Variants in IFT172 observed in about 807,000 individuals in gnomAD.
IFT172 encodes the protein intraflagellar transport 172.
A neutral mutation model predicts 248.9 loss-of-function variants in IFT172; 164 were observed. The observed-to-expected ratio is 0.66, with a 90% confidence interval of 0.58 to 0.75. IFT172 has a LOEUF of 0.75. IFT172 is among the 30% of genes least tolerant of loss of function. The probability of loss-of-function intolerance (pLI) is 0.00; values close to 1 mark genes in which losing one functional copy is unlikely to be tolerated. For synonymous variants in IFT172, 729 were observed against 791.6 expected (o/e 0.92, Z 1.33); for missense variants, 1,950 against 2,192.4 (o/e 0.89, Z 2.21).
intron 10 of IFT172, among the ~76,000 whole-genome samples, chr2:27,478,940 C>T (rs1418261930): frequency 6.6e-6 from 1 of 152,202 alleles, no homozygotes. Context: ...CAGTGTGTAG[C>T]CAGTAAAGTT....
chr2:27,485,254 G>T (rs1026239469), intron 2 of IFT172, 106 bp downstream of exon 2: 13 of 1,540,310 alleles, frequency 8.4e-6, no homozygotes, highest in Non-Finnish European at 1.8e-6. Context: ...AGAAAAAGGT[G>T]GGGTATGCCA....
chr2:27,476,773 G>A (rs1197012376), intron 13 of IFT172, 47 bp from the exon 14 acceptor site: 2 of 1,132,174 alleles, frequency 1.8e-6, no homozygotes, highest in Middle Eastern at 2.0e-4. Context: ...GAGGTAGTTG[G>A]GATGTTTATT....
chr2:27,456,544 AG>A lies in IFT172; in HGVS notation c.3337del (p.Leu1113TrpfsTer204), dbSNP rs1297105108. On this transcript the variant is annotated frameshift_variant, in exon 30 of 48. Coordinates refer to ENST00000260570, the MANE Select transcript of IFT172 (RefSeq NM_015662.3). LOFTEE classifies it high-confidence loss of function. Reference sequence around the variant, plus strand: ...TGCAGCGTGGTCAACAGCAGCTTCCAGGAGTCCCAGCTTATTAAGCAGTCTA... The same window carrying A: ...TGCAGCGTGGTCAACAGCAGCTTCCAGAGTCCCAGCTTATTAAGCAGTCTA... Reference protein sequence around the residue: ...AVRLLNKLGLLEAAVDHAADN... With the variant: ...AVRLLNKLGLXEAAVDHAADN... 2 of 1,614,046 alleles carry A rather than the reference AG, an allele frequency of 1.2e-6. No individual in the cohort carries two copies. Among genetic ancestry groups the A allele is most frequent in the Admixed American group, 3.3e-5 (2 of 60,022 alleles).
chr2:27,487,819 G>A (rs1319820985), intron 1 of IFT172, among the ~76,000 whole-genome samples: 2 of 151,916 alleles, frequency 1.3e-5, no homozygotes, highest in Admixed American at 6.6e-5. Context: ...CCCTGACCTC[G>A]GGTGATCTGC....
At position 27,477,236 on chromosome 2, in the gene IFT172, T is replaced by C. The variant is rs753911273; in HGVS notation, c.1306A>G (p.Met436Val). 6 of 1,613,920 alleles carry C rather than the reference T, an allele frequency of 3.7e-6. No homozygotes were observed. The highest frequency in any genetic ancestry group is 2.2e-5 in the South Asian group (2 of 91,078). The stretch of plus-strand genomic sequence containing the variant: ...GGTTACCTGATGAGGTGGGGGTTCA[T>C]GAATTCAGTGCGTACAGAACCCAGG... ...DTLGSVRTEF[M>V]NPHLISVRIN... is the part of the protein sequence containing the mutation. Residue 436 changes from methionine (M) to valine (V), a missense_variant, in exon 13 of 48, where the codon ATG becomes GTG. Coordinates refer to ENST00000260570, the MANE Select transcript of IFT172 (RefSeq NM_015662.3).
In IFT172 at chr2:27,485,357, T is replaced by A; in HGVS notation, c.183+3A>T. The A allele has an allele frequency of 6.2e-7, 1 of 1,614,026 alleles. No individual in the cohort carries two copies. The highest frequency in any genetic ancestry group is 8.5e-7 in the Non-Finnish European group (1 of 1,180,032). The stretch of plus-strand genomic sequence containing the variant: ...ATAAGGTACACATGAATACACTGTT[T>A]ACCTTCATGTCAGCTGGTTTGGTGG... On this transcript the variant is annotated splice_donor_region_variant and intron_variant, in intron 2 of 47. Coordinates refer to ENST00000260570, the MANE Select transcript of IFT172 (RefSeq NM_015662.3).
chr2:27,456,468 C>T (rs1309971179), intron 30 of IFT172, 43 bp downstream of exon 30: 2 of 1,581,898 alleles, frequency 1.3e-6, no homozygotes, highest in East Asian at 4.5e-5. Context: ...GATAGTGGCT[C>T]TGGCTGGGAT....
At chr2:27,480,818 C>A (rs537747261) in intron 8 of IFT172, among the ~76,000 whole-genome samples, 2 of 152,118 alleles carry the variant, frequency 1.3e-5, no homozygotes, top group East Asian at 3.8e-4. Context: ...GAGATGAATT[C>A]TGCTGTGGAA....
chr2:27,483,562 C>A lies in IFT172; in HGVS notation c.482+18G>T. The A allele has an allele frequency of 6.2e-7, 1 of 1,611,568 alleles. No individual in the cohort carries two copies. Among genetic ancestry groups the A allele is most frequent in the Non-Finnish European group, 8.5e-7 (1 of 1,177,896 alleles). On this transcript the variant is annotated intron_variant, in intron 6 of 47. Transcript: ENST00000260570. ...CTAACACTTCCAGACTCTAGTGATA[C>A]TACTCCTCTTTACTCACTTTGTTGT...
chr2:27,447,532 G>A lies in IFT172; in HGVS notation c.4642C>T (p.Gln1548Ter). The A allele has an allele frequency of 6.2e-7, 1 of 1,614,032 alleles. No homozygotes were observed. Among genetic ancestry groups the A allele is most frequent in the East Asian group, 2.2e-5 (1 of 44,878 alleles). ...CATCTCACCAGCTGTTTGACACTCT[G>A]GGCTGCAGAGCGCGTGGCATAGTAA... ...AHYYATRSAAQSVKQLETVAA... is the reference protein window; with the variant it reads ...AHYYATRSAA The change falls in exon 42 of 48, where the codon CAG becomes TAG. Residue 1548 changes from glutamine to a stop codon, truncating the protein, a stop_gained. Transcript: ENST00000260570. LOFTEE classifies it high-confidence loss of function.
intron 30 of IFT172, chr2:27,455,072 C>T: frequency 3.5e-6 from 1 of 281,722 alleles, no homozygotes; most frequent in Non-Finnish European, 6.9e-6. Context: ...CAAGACCACC[C>T]TCAGCATCGG....
chr2:27,458,996 A>G (rs2148500723), intron 25 of IFT172, 128 bp from the exon 26 acceptor site: 1 of 917,560 alleles, frequency 1.1e-6, no homozygotes. Context: ...AATAGAGAAG[A>G]AAAGATGAGT....
At chr2:27,447,209 T>C (rs1010790471) in intron 42 of IFT172, among the ~76,000 whole-genome samples, 3 of 152,192 alleles carry the variant, frequency 2.0e-5, no homozygotes, top group African/African-American at 7.2e-5. Flanking sequence ...GAAATAAATA[T>C]ACAGTGAACA....
rs147303046 is a variant in IFT172 at position 27,472,348 on chromosome 2, C to T, written c.1426G>A (p.Gly476Ser). The T allele has an allele frequency of 3.7e-4, 590 of 1,613,728 alleles. No individual in the cohort carries two copies. The highest frequency in any genetic ancestry group is 4.8e-4 in the Non-Finnish European group (566 of 1,179,794). The change falls in exon 15 of 48, where the codon GGC (glycine) becomes AGC (serine). Residue 476 changes from glycine to serine, a missense_variant. Coordinates refer to ENST00000260570, the MANE Select transcript of IFT172 (RefSeq NM_015662.3). ...KTIAIVDLIG[G>S]YNIGTVSHES... The stretch of plus-strand genomic sequence containing the variant: ...TGGCTGACGGTGCCAATGTTGTAGC[C>T]ACCAATCAGATCCACTATAGAATAA...
Position 27,470,956 on chromosome 2 carries a change from G to A in IFT172, c.1664C>T (p.Pro555Leu). 1 of 1,609,092 alleles carries A rather than the reference G, an allele frequency of 6.2e-7. No individual in the cohort carries two copies. Among genetic ancestry groups the A allele is most frequent in the Non-Finnish European group, 8.5e-7 (1 of 1,178,666 alleles). The change falls in exon 16 of 48, where the codon CCT (proline) becomes CTT (leucine). Residue 555 changes from proline (P) to leucine (L), a missense_variant. Physicochemically the swap from Pro to Leu is moderately conservative, Grantham distance 98 (BLOSUM62 -3). Transcript: ENST00000260570. ...AATAGTGAACATGGTGACTCTCTCA[G>A]GTGCCTCAATGTTGTACCATACACA... ...SLCVWYNIEAPERVTMFTIRG... is the reference protein window; with the variant it reads ...SLCVWYNIEALERVTMFTIRG...
At position 27,454,422 on chromosome 2, in the gene IFT172, C is replaced by T. The variant is rs1175986520; in HGVS notation, c.3466-4G>A. Reference sequence around the variant, plus strand: ...CTTCAGCCTCTTCGAATTTACCCTACAGGGAGAGAAAGGCAGCCGTGCATG... The same window carrying T: ...CTTCAGCCTCTTCGAATTTACCCTATAGGGAGAGAAAGGCAGCCGTGCATG... On this transcript the variant is annotated splice_polypyrimidine_tract_variant and splice_region_variant and intron_variant, in intron 31 of 47. Coordinates refer to ENST00000260570, the MANE Select transcript of IFT172 (RefSeq NM_015662.3). This position sits in a 1 kb window ranked among gnomAD's most constrained non-coding sequence, Gnocchi z 4.2. 2 of 1,614,022 alleles carry T rather than the reference C, an allele frequency of 1.2e-6. No homozygotes were observed. The highest frequency in any genetic ancestry group is 1.7e-6 in the Non-Finnish European group (2 of 1,180,056).
At chr2:27,489,508 T>C in intron 1 of IFT172, 107 bp downstream of exon 1, 1 of 806,136 alleles carries the variant, frequency 1.2e-6, no homozygotes, top group Non-Finnish European at 2.1e-6. Flanking sequence ...CTATATCCCT[T>C]ACAGCCTTCT....
At position 27,485,002 on chromosome 2, in the gene IFT172, C is replaced by T. The variant is rs372250668; in HGVS notation, c.296+16G>A. 5.1e-6 allele frequency: 7 copies of T among 1,376,330 alleles called. No individual in the cohort carries two copies. The highest frequency in any genetic ancestry group is 2.9e-5 in the African/African-American group (2 of 70,108). 85.3% of individuals were successfully genotyped at this position (1,376,330 alleles called of 1,614,324 possible). A position where few individuals can be genotyped will look rare whatever the true frequency, so the allele number is the denominator to read the frequency against. On this transcript the variant is annotated intron_variant, in intron 3 of 47. Coordinates refer to ENST00000260570, the MANE Select transcript of IFT172 (RefSeq NM_015662.3). ...TTCTTTCCTGGGCCATCCCATCTCC[C>T]AGTCTCTATCCTCACCAATCTTCTC...
At position 27,454,307 on chromosome 2, in the gene IFT172, G is replaced by C. The variant is rs762791815; in HGVS notation, c.3530+47C>G. The stretch of plus-strand genomic sequence containing the variant: ...TCAAGATAATCATGAAAGATCCTGG[G>C]ACGGTGACTGGGGAAACAGTATTAA... On this transcript the variant is annotated intron_variant, in intron 32 of 47. Coordinates refer to ENST00000260570, the MANE Select transcript of IFT172 (RefSeq NM_015662.3). The surrounding 1 kb of genome is among the most constrained non-coding windows in gnomAD (Gnocchi z 4.2). 6.2e-7 allele frequency: 1 copy of C among 1,611,784 alleles called. No homozygotes were observed. Among genetic ancestry groups the C allele is most frequent in the East Asian group, 2.2e-5 (1 of 44,884 alleles).
Sources: allele counts gnomAD v4.1 joint callset (sites outside exome capture counted in the v4.1 genomes callset), GRCh38; gene constraint gnomAD v4.1.1; non-coding constraint Gnocchi (gnomAD v3.1); transcripts MANE v1.5; gene names NCBI Gene and HGNC (gene_info 2026-07-23, HGNC 2026-07-21).